CHFR: variants seen among roughly 807,000 people sequenced by gnomAD.
The protein encoded by CHFR is E3 ubiquitin-protein ligase CHFR.
In CHFR, 57 loss-of-function variants were observed where a neutral mutation model predicts 87.6. That is an observed-to-expected ratio of 0.65 (90% confidence interval 0.53 to 0.81). CHFR has a LOEUF of 0.81. Ranked by LOEUF, CHFR falls within the 30% of genes least tolerant of loss-of-function variation. The pLI, the probability that CHFR is intolerant of heterozygous loss-of-function variation, is 0.00. For missense variants in CHFR, 797 were observed against 865.8 expected (o/e 0.92, Z 1.00); for synonymous variants, 381 against 359.2 (o/e 1.06, Z -0.69).
At chr12:132,858,942 G>A in intron 8 of CHFR, 126 bp downstream of exon 8, 1 of 904,838 alleles carries the variant, frequency 1.1e-6, no homozygotes, top group Non-Finnish European at 1.6e-6. Flanking sequence ...CTGGGTGACA[G>A]AGTAACCTCA....
At chr12:132,843,205 CCA>C in intron 16 of CHFR, 122 bp from the exon 17 acceptor site, 1 of 840,596 alleles carries the variant, frequency 1.2e-6, no homozygotes, top group Non-Finnish European at 2.0e-6. Context: ...TCTGGTCCCT[CCA>C]TAACTAGTTT....
intron 2 of CHFR, among the ~76,000 whole-genome samples, chr12:132,879,531 C>T (rs1240259294): frequency 1.3e-5 from 2 of 152,002 alleles, no homozygotes; most frequent in Non-Finnish European, 2.9e-5. Context: ...GCTGGGATTA[C>T]AGGCGCACAC....
intron 8 of CHFR, 107 bp downstream of exon 8, chr12:132,858,961 C>A: frequency 1.8e-6 from 2 of 1,141,556 alleles, no homozygotes; most frequent in Non-Finnish European, 2.4e-6. Context: ...CAGCAGATGC[C>A]AGGCCAAACA....
In CHFR at chr12:132,872,287, T is replaced by A. The variant is rs778449705; in HGVS notation, c.341A>T (p.His114Leu). Residue 114 changes from histidine to leucine, a missense_variant and splice_region_variant, in exon 4 of 18, where the codon CAC becomes CTC. Physicochemically the swap from His to Leu is moderately conservative, Grantham distance 99. Transcript: ENST00000450056. ...YLVYRKNEPE[H>L]NVAYLYESLS... The stretch of plus-strand genomic sequence containing the variant: ...CGGCAAGCCTTCCTCTCTCTTACTG[T>A]GTTCCGGTTCATTCTTCCTGTACAC... 5.6e-6 allele frequency: 9 copies of A among 1,604,146 alleles called. No individual in the cohort carries two copies. The highest frequency in any genetic ancestry group is 7.7e-6 in the Non-Finnish European group (9 of 1,171,058).
intron 16 of CHFR, 109 bp from the exon 17 acceptor site, chr12:132,843,192 G>T: frequency 1.1e-6 from 1 of 926,484 alleles, no homozygotes; most frequent in Non-Finnish European, 1.7e-6. Flanking sequence ...GAAACGCACG[G>T]CCTCTGGTCC....
At chr12:132,882,480 G>A (rs1951791990) in intron 2 of CHFR, among the ~76,000 whole-genome samples, 1 of 152,176 alleles carries the variant, frequency 6.6e-6, no homozygotes, top group Non-Finnish European at 1.5e-5. Flanking sequence ...TTTACTACAA[G>A]TAAATGATAC....
At position 132,860,981 on chromosome 12, in the gene CHFR, G is replaced by A. The variant is rs144290290; in HGVS notation, c.751+486C>T. On this transcript the variant is annotated intron_variant, in intron 7 of 17. Coordinates refer to ENST00000450056, the MANE Select transcript of CHFR (RefSeq NM_001161346.2). ...TTGGCCAGGCTGGTCTTGAACTCCT[G>A]ACCTCAGATGATCCGTCCACCTTGG... is the stretch of plus-strand genomic sequence containing the variant. Among the ~76,000 whole-genome samples the A allele has an allele frequency of 3.0e-3, 450 of 152,294 alleles. 7 individuals carry two copies. The highest frequency in any genetic ancestry group is 0.01 in the African/African-American group (428 of 41,558).
intron 6 of CHFR, among the ~76,000 whole-genome samples, chr12:132,865,225 G>A (rs1275948349): frequency 6.6e-6 from 1 of 152,212 alleles, no homozygotes; most frequent in Non-Finnish European, 1.5e-5. Flanking sequence ...GGATCTAGCT[G>A]TGAAGAGCCA....
At chr12:132,874,921 T>C (rs1346261511) in intron 3 of CHFR, among the ~76,000 whole-genome samples, 1 of 92,086 alleles carries the variant, frequency 1.1e-5, no homozygotes, top group Non-Finnish European at 2.2e-5. Flanking sequence ...CAGGCCCTGA[T>C]GTAGGCGGGA....
In CHFR at chr12:132,871,429, G is replaced by A. The variant is rs550911213; in HGVS notation, c.344-646C>T. On this transcript the variant is annotated intron_variant, in intron 4 of 17. Transcript: ENST00000450056. The stretch of plus-strand genomic sequence containing the variant: ...ATCACGCCATTGCACTCCAGCCTCC[G>A]CAACAGAGCAGAGCGAGACTCTGTC... Among the ~76,000 whole-genome samples the A allele has an allele frequency of 6.6e-5, 10 of 151,344 alleles. No individual in the cohort carries two copies. The East Asian group carries it at 1.8e-3, about 27-fold the overall frequency.
intron 5 of CHFR, among the ~76,000 whole-genome samples, chr12:132,870,393 G>A (rs1411125526): frequency 6.9e-6 from 1 of 144,520 alleles, no homozygotes; most frequent in Non-Finnish European, 1.5e-5. Flanking sequence ...TTAGCCAGGC[G>A]TGACGGTGCA....
chr12:132,856,803 G>A, intron 9 of CHFR, 173 bp from the exon 10 acceptor site: 3 of 781,134 alleles, frequency 3.8e-6, no homozygotes, highest in South Asian at 1.4e-5. Flanking sequence ...CCAGGTGCTG[G>A]TGTGGATGCC....
At chr12:132,879,754 G>A (rs1224801687) in intron 2 of CHFR, among the ~76,000 whole-genome samples, 2 of 152,112 alleles carry the variant, frequency 1.3e-5, no homozygotes, top group African/African-American at 4.8e-5. Flanking sequence ...AAAGAACAAA[G>A]GCGTTTTAAT....
chr12:132,849,514 C>T (rs947630134), intron 12 of CHFR: 2 of 152,246 alleles, frequency 1.3e-5, no homozygotes, highest in African/African-American at 4.8e-5. Context: ...CTCACCTGCT[C>T]CACCACCCTA....
chr12:132,884,585 T>C (rs1301752416), intron 2 of CHFR, among the ~76,000 whole-genome samples: 1 of 152,086 alleles, frequency 6.6e-6, no homozygotes, highest in East Asian at 1.9e-4. Flanking sequence ...TGTGAGCTGA[T>C]AAATGTTAAA....
rs1279655347 is a variant in CHFR at position 132,840,465 on chromosome 12, T to C, written c.*1089A>G. 6.6e-6 allele frequency: 1 copy of C among 152,666 alleles called. No individual in the cohort carries two copies. Among genetic ancestry groups the C allele is most frequent in the Non-Finnish European group, 1.5e-5 (1 of 68,052 alleles). The allele number at this position is 152,666 out of a possible 1,614,324, so 9.5% of individuals were successfully genotyped here. On this transcript the variant is annotated 3_prime_UTR_variant, in exon 18 of 18. Coordinates refer to ENST00000450056, the MANE Select transcript of CHFR (RefSeq NM_001161346.2). ...AGAGCAAGACAACAGTTGAAAACTG[T>C]ATTCCTGAGAAGAAGCAAAAAAGTT...
Position 132,853,957 on chromosome 12 carries a change from C to T in CHFR, c.1230-384G>A, listed in dbSNP as rs373634619. 3.2e-4 allele frequency: 59 copies of T among 186,734 alleles called. No homozygotes were observed. The East Asian group carries it at 3.5e-3, about 11-fold the overall frequency. 11.6% of individuals were successfully genotyped at this position (186,734 alleles called of 1,614,324 possible). A position where few individuals can be genotyped will look rare whatever the true frequency, so the allele number is the denominator to read the frequency against. On this transcript the variant is annotated intron_variant, in intron 10 of 17. Coordinates refer to ENST00000450056, the MANE Select transcript of CHFR (RefSeq NM_001161346.2). ...GTTAAAAGCAGAGCGCGGTGGGCAA[C>T]GTACTGGGAGCCACACCAGGCGCCT... is the stretch of plus-strand genomic sequence containing the variant.
In CHFR at chr12:132,857,045, C is replaced by T. The variant is rs370438384; in HGVS notation, c.1066+360G>A. ...GGTGCTGGTGGAGGGACCACCCTCA[C>T]GTGCCCGGGTGCTGGTGGAGGGACC... On this transcript the variant is annotated intron_variant, in intron 9 of 17. Transcript: ENST00000450056. Among the ~76,000 whole-genome samples, 12 of 107,802 alleles carry T rather than the reference C, an allele frequency of 1.1e-4. 1 individual carries two copies. The highest frequency in any genetic ancestry group is 2.3e-4 in the Non-Finnish European group (12 of 53,030). 70.7% of individuals were successfully genotyped at this position (107,802 alleles called of 152,430 possible).
chr12:132,849,424 C>A (rs1950893683), intron 12 of CHFR: 1 of 152,136 alleles, frequency 6.6e-6, no homozygotes, highest in African/African-American at 2.4e-5. Context: ...CTGCACCCGG[C>A]CTCAGACCCA....
Sources: allele counts gnomAD v4.1 joint callset (sites outside exome capture counted in the v4.1 genomes callset), GRCh38; gene constraint gnomAD v4.1.1; transcripts MANE v1.5; gene names NCBI Gene and HGNC (gene_info 2026-07-23, HGNC 2026-07-21).